The following MKS1 variants were observed in gnomAD, a reference collection of about 807,000 sequenced individuals.
MKS1 encodes the protein MKS transition zone complex subunit 1.
Under a neutral mutation model 83.7 loss-of-function variants are expected in MKS1, and 70 were observed. The ratio of observed to expected loss-of-function variants is 0.84; its 90% CI spans 0.69 to 1.02. The LOEUF is 1.02. Ranked by LOEUF, MKS1 falls within the 50% of genes least tolerant of loss-of-function variation. The pLI is 0.00. For missense variants in MKS1, 681 were observed against 726.9 expected (o/e 0.94, Z 0.73); for synonymous variants, 251 against 273.4 (o/e 0.92, Z 0.81).
chr17:58,207,955 CAGCG>C lies in MKS1; in HGVS notation c.1208_1211del (p.Ser403TrpfsTer26). 1 of 1,614,136 alleles carries C rather than the reference CAGCG, an allele frequency of 6.2e-7. No homozygotes were observed. The highest frequency in any genetic ancestry group is 1.1e-5 in the South Asian group (1 of 91,070). On this transcript the variant is annotated frameshift_variant, in exon 14 of 18. Coordinates refer to ENST00000393119, the MANE Select transcript of MKS1 (RefSeq NM_017777.4). LOFTEE classifies it high-confidence loss of function. Reference sequence around the variant, plus strand: ...CCACACGGTACCTCTGCCAGAAGTCCAGCGAGAGGACCTCACAGTAGAGCACAGG... The same window carrying C: ...CCACACGGTACCTCTGCCAGAAGTCCAGAGGACCTCACAGTAGAGCACAGG...
intron 1 of MKS1, 109 bp downstream of exon 1, chr17:58,219,042 G>A: frequency 6.9e-7 from 1 of 1,438,882 alleles, no homozygotes; most frequent in Non-Finnish European, 9.4e-7. Flanking sequence ...GCCCGGAGAA[G>A]TGGTCGGGAT....
Position 58,213,063 on chromosome 17 carries a change from C to T in MKS1, c.777G>A (p.Glu259=). 6.2e-7 allele frequency: 1 copy of T among 1,614,204 alleles called. No homozygotes were observed. Among genetic ancestry groups the T allele is most frequent in the South Asian group, 1.1e-5 (1 of 91,084 alleles). The change falls in exon 8 of 18, where the codon GAG becomes GAA. Residue 259 remains glutamate (E), a synonymous_variant. Transcript: ENST00000393119. The stretch of plus-strand genomic sequence containing the variant: ...CATTGTCGATCGTATATTTCCACAG[C>T]TCCTGCTTCTCCCCCTCCGTCTCAA... ...YRIETEGEKQ[E]LWKYTIDNVS...
chr17:58,206,955 A>T, intron 15 of MKS1, 130 bp downstream of exon 15: 1 of 1,336,242 alleles, frequency 7.5e-7, no homozygotes, highest in Non-Finnish European at 1.1e-6. Context: ...CTTCCAGCTT[A>T]AGCCACAGGA....
chr17:58,211,224 C>T, intron 9 of MKS1: 1 of 602,358 alleles, frequency 1.7e-6, no homozygotes. Context: ...GGGGAAAGTA[C>T]ATAATTTAAA....
At position 58,216,736 on chromosome 17, in the gene MKS1, C is replaced by T. The variant is rs755502660; in HGVS notation, c.191G>A (p.Ser64Asn). The T allele has an allele frequency of 1.9e-6, 3 of 1,614,036 alleles. No individual in the cohort carries two copies. In the Admixed American group the frequency reaches 5.0e-5, roughly 27 times the overall value. ...TTCGTCTTCCTCTGGGCGGTGTCCA[C>T]CTCCAAAGACAACAGAGTGAATCAA... ...LATFRPQPTASGHRPEEDEEE... is the reference protein window; with the variant it reads ...LATFRPQPTANGHRPEEDEEE... Residue 64 changes from serine (S) to asparagine (N), a missense_variant and splice_region_variant, in exon 3 of 18, where the codon AGT becomes AAT. Ser to Asn is a conservative substitution (Grantham distance 46). Transcript: ENST00000393119.
In MKS1 at chr17:58,209,615, G is replaced by A. The variant is rs769853435; in HGVS notation, c.1025-1032C>T. ...AGAAAGGGTTTCAGACAAAGGAAAC[G>A]GCCCTTAAAAGGCTACAAGGTGGGA... On this transcript the variant is annotated intron_variant, in intron 11 of 17. Transcript: ENST00000393119. This position sits in a 1 kb window ranked among gnomAD's most constrained non-coding sequence, Gnocchi z 4.1. 3.3e-5 allele frequency among the ~76,000 whole-genome samples: 5 copies of A among 152,154 alleles called. No homozygotes were observed. The highest frequency in any genetic ancestry group is 7.2e-5 in the African/African-American group (3 of 41,432).
At chr17:58,206,755 T>C (rs1162748217) in intron 15 of MKS1, 7 of 667,822 alleles carry the variant, frequency 1.0e-5, no homozygotes, top group South Asian at 1.8e-5. Flanking sequence ...TCCAACCTCA[T>C]TTGAGAAGCG....
intron 4 of MKS1, chr17:58,215,631 G>C: frequency 5.2e-6 from 1 of 194,112 alleles, no homozygotes; most frequent in South Asian, 1.0e-4. Context: ...AGGTCACAAG[G>C]GTATTTTTGT....
rs774475723 is a variant in MKS1 at position 58,207,109 on chromosome 17, A to G, written c.1383T>C (p.Tyr461=). Residue 461 remains tyrosine, a synonymous_variant, in exon 15 of 18, where the codon TAT becomes TAC. Coordinates refer to ENST00000393119, the MANE Select transcript of MKS1 (RefSeq NM_017777.4). ...GGSLELEDLS[Y]VRIPGSFKGE... is the part of the protein sequence containing the mutation. ...CCTTGAAGGATCCTGGTATCCGTAC[A>G]TAGGAGAGGTCCTCCAGTTCCAGAG... is the stretch of plus-strand genomic sequence containing the variant. The G allele has an allele frequency of 2.5e-6, 4 of 1,614,088 alleles. No individual in the cohort carries two copies. Among genetic ancestry groups the G allele is most frequent in the East Asian group, 2.2e-5 (1 of 44,896 alleles).
At chr17:58,212,917 GA>G (rs1968956679) in intron 8 of MKS1, 64 bp downstream of exon 8, 2 of 1,511,304 alleles carry the variant, frequency 1.3e-6, no homozygotes, top group African/African-American at 2.7e-5. Flanking sequence ...ATCAAGTTCA[GA>G]AATGGTCTCA....
chr17:58,213,649 G>T, intron 7 of MKS1, 116 bp downstream of exon 7: 1 of 808,662 alleles, frequency 1.2e-6, no homozygotes, highest in East Asian at 2.5e-5. Flanking sequence ...CATTGCCTGG[G>T]AATGTAAAAG....
chr17:58,205,909 G>A lies in MKS1; in HGVS notation c.*170C>T. On this transcript the variant is annotated 3_prime_UTR_variant, in exon 18 of 18. Coordinates refer to ENST00000393119, the MANE Select transcript of MKS1 (RefSeq NM_017777.4). Reference sequence around the variant, plus strand: ...TGGCTTTATTTCCACAGGGTAGGGAGAAGACCCTGCAGAAGGCTAGGCAGA... The same window carrying A: ...TGGCTTTATTTCCACAGGGTAGGGAAAAGACCCTGCAGAAGGCTAGGCAGA... 1.4e-6 allele frequency: 2 copies of A among 1,476,236 alleles called. No homozygotes were observed. The highest frequency in any genetic ancestry group is 2.7e-5 in the South Asian group (2 of 74,336). The allele number at this position is 1,476,236 out of a possible 1,614,324, so 91.4% of individuals were successfully genotyped here.
At position 58,205,908 on chromosome 17, in the gene MKS1, A is replaced by ATTTCT; in HGVS notation, c.*170_*171insAGAAA. On this transcript the variant is annotated 3_prime_UTR_variant, in exon 18 of 18. Transcript: ENST00000393119. ...CTGGCTTTATTTCCACAGGGTAGGGAGAAGACCCTGCAGAAGGCTAGGCAG... is the reference window on the plus strand; with the variant it reads ...CTGGCTTTATTTCCACAGGGTAGGGATTTCTGAAGACCCTGCAGAAGGCTAGGCAG... The ATTTCT allele has an allele frequency of 1.4e-6, 2 of 1,474,102 alleles. No homozygotes were observed. The highest frequency in any genetic ancestry group is 2.7e-5 in the South Asian group (2 of 74,150). 91.3% of individuals were successfully genotyped at this position (1,474,102 alleles called of 1,614,324 possible).
intron 4 of MKS1, 43 bp downstream of exon 4, chr17:58,216,045 G>A: frequency 6.2e-7 from 1 of 1,609,850 alleles, no homozygotes. Flanking sequence ...AAAAGCTAGA[G>A]GAAGCAAAGA....
chr17:58,218,244 C>G (rs530012966), intron 2 of MKS1, among the ~76,000 whole-genome samples: 6 of 151,720 alleles, frequency 4.0e-5, no homozygotes, highest in African/African-American at 7.3e-5. Flanking sequence ...GTCAGGAGAT[C>G]GAGACAATCC....
intron 5 of MKS1, 91 bp from the exon 6 acceptor site, chr17:58,214,478 G>C: frequency 6.3e-7 from 1 of 1,587,030 alleles, no homozygotes; most frequent in South Asian, 1.1e-5. Flanking sequence ...GTTTGAGCTA[G>C]TGGACATACT....
Position 58,216,202 on chromosome 17 carries a change from A to T in MKS1, c.303T>A (p.Ser101Arg). The change falls in exon 4 of 18, where the codon AGT (serine) becomes AGA (arginine). Residue 101 changes from serine (S) to arginine (R), a missense_variant. Physicochemically the swap from Ser to Arg is moderately radical, Grantham distance 110. Around this residue, in one of 3 missense-constraint regions of MKS1, gnomAD observed 365 missense variants for 383.8 expected, o/e 0.95. Coordinates refer to ENST00000393119, the MANE Select transcript of MKS1 (RefSeq NM_017777.4). ...CCTGACGGTACTGATAATCCAAAGGACTCTGACAGGCTGTTTCATTTTGGT... is the reference window on the plus strand; with the variant it reads ...CCTGACGGTACTGATAATCCAAAGGTCTCTGACAGGCTGTTTCATTTTGGT... ...DLYQNETACQ[S>R]PLDYQYRQEI... 1 of 1,613,850 alleles carries T rather than the reference A, an allele frequency of 6.2e-7. No individual in the cohort carries two copies.
Position 58,214,282 on chromosome 17 carries a change from C to T in MKS1, c.621G>A (p.Met207Ile). 6.2e-7 allele frequency: 1 copy of T among 1,614,162 alleles called. No individual in the cohort carries two copies. The highest frequency in any genetic ancestry group is 8.5e-7 in the Non-Finnish European group (1 of 1,180,030). ...INTPLQTMHI[M>I]ADLGPYKKLG... ...ACTTTTTATAGGGCCCCAGGTCTGCCATGATGTGCATTGTCTGAAGAGGGG... is the reference window on the plus strand; with the variant it reads ...ACTTTTTATAGGGCCCCAGGTCTGCTATGATGTGCATTGTCTGAAGAGGGG... Residue 207 changes from methionine to isoleucine, a missense_variant, in exon 6 of 18, where the codon ATG becomes ATA. Transcript: ENST00000393119.
In MKS1 at chr17:58,209,512, G is replaced by T. The variant is rs571519247; in HGVS notation, c.1025-929C>A. 6.6e-6 allele frequency among the ~76,000 whole-genome samples: 1 copy of T among 152,206 alleles called. No homozygotes were observed. The highest frequency in any genetic ancestry group is 1.5e-5 in the Non-Finnish European group (1 of 68,024). On this transcript the variant is annotated intron_variant, in intron 11 of 17. Coordinates refer to ENST00000393119, the MANE Select transcript of MKS1 (RefSeq NM_017777.4). The surrounding 1 kb of genome is among the most constrained non-coding windows in gnomAD (Gnocchi z 4.1). ...TGATTGGGAGGCTCATTTAGACTGGGTGGTAAGAGAAGGCCTCTCAGAGGC... is the reference window on the plus strand; with the variant it reads ...TGATTGGGAGGCTCATTTAGACTGGTTGGTAAGAGAAGGCCTCTCAGAGGC...
Sources: allele counts gnomAD v4.1 joint callset (sites outside exome capture counted in the v4.1 genomes callset), GRCh38; gene constraint gnomAD v4.1.1; regional missense constraint gnomAD v4.1.1; non-coding constraint Gnocchi (gnomAD v3.1); transcripts MANE v1.5; gene names NCBI Gene and HGNC (gene_info 2026-07-23, HGNC 2026-07-21).